PCDH11X: variants seen among roughly 807,000 people sequenced by gnomAD.
PCDH11X encodes the protein protocadherin 11 X-linked.
Under a neutral mutation model 53.3 loss-of-function variants are expected in PCDH11X, and 18 were observed. That is an observed-to-expected ratio of 0.34 (90% CI 0.23 to 0.50). The LOEUF is 0.50. PCDH11X is among the 20% of genes least tolerant of loss of function. The pLI, the probability that PCDH11X is intolerant of heterozygous loss-of-function variation, is 0.98. For missense variants in PCDH11X, 570 were observed against 1,032.4 expected, an observed-to-expected ratio of 0.55 and a Z score of 6.14; for synonymous variants, 279 against 393.3, an observed-to-expected ratio of 0.71 and a Z score of 3.44.
intron 8 of PCDH11X, among the ~76,000 whole-genome samples, chrX:92,375,449 A>G (rs1348677490): frequency 8.0e-5 from 8 of 100,614 alleles, no homozygotes; most frequent in Non-Finnish European, 1.4e-4. Context: ...AAGTGCTGGG[A>G]TTACAGGTGT....
chrX:92,378,870 G>T (rs1328271046), intron 8 of PCDH11X, among the ~76,000 whole-genome samples: 1 of 113,242 alleles, frequency 8.8e-6, no homozygotes, highest in Non-Finnish European at 1.9e-5. Flanking sequence ...TTTAACATAT[G>T]AATTTTAGGG....
chrX:91,971,538 C>A (rs1253222220), intron 6 of PCDH11X, among the ~76,000 whole-genome samples: 1 of 110,849 alleles, frequency 9.0e-6, no homozygotes, highest in African/African-American at 3.3e-5. Flanking sequence ...GCCATATAAT[C>A]ATGAGAGCTT....
At chrX:92,366,539 G>C (rs1452421879) in intron 8 of PCDH11X, among the ~76,000 whole-genome samples, 3 of 98,291 alleles carry the variant, frequency 3.1e-5, no homozygotes, top group African/African-American at 1.1e-4. Context: ...GCTAGCTTTT[G>C]AATTTGTTTG....
At chrX:92,010,753 G>T (rs34815598) in intron 6 of PCDH11X, among the ~76,000 whole-genome samples, 1 of 109,157 alleles carries the variant, frequency 9.2e-6, no homozygotes, top group Non-Finnish European at 1.9e-5. Context: ...TAGGTTCAGG[G>T]GATACATGTG....
rs758342306 is a variant in PCDH11X at position 92,484,082 on chromosome X, A to ATC, written c.3367+15764_3367+15765dup. Among the ~76,000 whole-genome samples the ATC allele has an allele frequency of 1.1e-3, 82 of 73,130 alleles. No individual in the cohort carries two copies. In the South Asian group the frequency reaches 0.024, roughly 21 times the overall value. 63.5% of individuals were successfully genotyped at this position (73,130 alleles called of 115,157 possible). A position where few individuals can be genotyped will look rare whatever the true frequency, so the allele number is the denominator to read the frequency against. ...ACCAAACAATGAGTGAATAAAGAAA[A>ATC]TCTCTGTGTGTGTGTGTGTGTGTGT... On this transcript the variant is annotated intron_variant, in intron 10 of 10. Transcript: ENST00000682573.
chrX:92,307,097 A>G (rs370450719), intron 8 of PCDH11X, among the ~76,000 whole-genome samples: 53 of 110,840 alleles, frequency 4.8e-4, no homozygotes, highest in African/African-American at 1.7e-3. Context: ...AAAAGGAAAT[A>G]CTTACCAACT....
At chrX:91,912,226 G>C (rs747325934) in intron 6 of PCDH11X, among the ~76,000 whole-genome samples, 2 of 111,211 alleles carry the variant, frequency 1.8e-5, no homozygotes, top group East Asian at 5.7e-4. Flanking sequence ...TGCAAACAGG[G>C]ATAATTTGAC....
At chrX:91,808,723 A>T (rs1180674384) in intron 1 of PCDH11X, among the ~76,000 whole-genome samples, 1 of 109,924 alleles carries the variant, frequency 9.1e-6, no homozygotes, top group Non-Finnish European at 1.9e-5. Flanking sequence ...AATTTAGGTT[A>T]TCTGGCACTG....
Position 92,170,566 on chromosome X carries a change from A to G in PCDH11X, c.3034-30809A>G, listed in dbSNP as rs749696395. On this transcript the variant is annotated intron_variant, in intron 6 of 10. Transcript: ENST00000682573. ...ATTTTACCATGGACACCATATACCAAGATCACTCAAAAACTTAATTTCTAT... is the reference window on the plus strand; with the variant it reads ...ATTTTACCATGGACACCATATACCAGGATCACTCAAAAACTTAATTTCTAT... Among the ~76,000 whole-genome samples the G allele has an allele frequency of 3.6e-5, 4 of 110,288 alleles. No homozygotes were observed. The East Asian group carries it at 1.2e-3, about 32-fold the overall frequency.
chrX:92,573,559 T>C (rs183188913), intron 10 of PCDH11X, among the ~76,000 whole-genome samples: 6 of 110,431 alleles, frequency 5.4e-5, no homozygotes, highest in East Asian at 2.8e-4. Flanking sequence ...TCTTTACTTA[T>C]GTTTGTAAAG....
chrX:92,493,926 C>T (rs1603346520), intron 10 of PCDH11X, among the ~76,000 whole-genome samples: 1 of 110,137 alleles, frequency 9.1e-6, no homozygotes, highest in African/African-American at 3.3e-5. Context: ...GGATTACAGG[C>T]GTGAACCACC....
intron 6 of PCDH11X, among the ~76,000 whole-genome samples, chrX:92,164,828 C>T (rs1433384406): frequency 9.1e-6 from 1 of 109,519 alleles, no homozygotes; most frequent in Non-Finnish European, 1.9e-5. Flanking sequence ...CTTTCCTGCA[C>T]TGTTCTTGTG....
chrX:92,258,216 C>G (rs2067638092), intron 7 of PCDH11X, among the ~76,000 whole-genome samples: 1 of 111,091 alleles, frequency 9.0e-6, no homozygotes, highest in Admixed American at 9.6e-5. Flanking sequence ...GCAGCAGGGT[C>G]CTCAGCACAG....
chrX:91,903,774 G>T (rs2147788589), intron 6 of PCDH11X, among the ~76,000 whole-genome samples: 1 of 109,160 alleles, frequency 9.2e-6, no homozygotes, highest in African/African-American at 3.3e-5. Flanking sequence ...AAAATGGAAG[G>T]CAAGTTTTAA....
At chrX:92,277,406 T>C (rs866793183) in intron 8 of PCDH11X, among the ~76,000 whole-genome samples, 1 of 110,843 alleles carries the variant, frequency 9.0e-6, no homozygotes, top group Non-Finnish European at 1.9e-5. Context: ...CAGAAGAAAA[T>C]AAGACATTTA....
chrX:92,445,596 C>G (rs1226664612), intron 9 of PCDH11X, among the ~76,000 whole-genome samples: 2 of 109,535 alleles, frequency 1.8e-5, no homozygotes, highest in Non-Finnish European at 3.8e-5. Flanking sequence ...AAACTTAATG[C>G]ATAAGAAAAG....
chrX:91,966,578 C>T (rs1323664254), intron 6 of PCDH11X, among the ~76,000 whole-genome samples: 1 of 109,280 alleles, frequency 9.2e-6, no homozygotes, highest in Non-Finnish European at 1.9e-5. Context: ...CAAACCAACA[C>T]GGCACATGTA....
At chrX:91,925,767 G>A (rs1438627659) in intron 6 of PCDH11X, among the ~76,000 whole-genome samples, 3 of 110,933 alleles carry the variant, frequency 2.7e-5, no homozygotes, top group Admixed American at 9.7e-5. Context: ...TCTCAAGATT[G>A]AGAAAATATA....
rs1239180216 is a variant in PCDH11X at position 91,983,234 on chromosome X, A to G, written c.3033+103961A>G. ...GAAGGTCAGCTTCAGTCCACGTGCA[A>G]GCTGATCTTCCACAGTCATCTCGGT... is the stretch of plus-strand genomic sequence containing the variant. On this transcript the variant is annotated intron_variant, in intron 6 of 10. Transcript: ENST00000682573. 325 of 817,245 alleles carry G rather than the reference A, an allele frequency of 4.0e-4. 1 individual carries two copies. Among genetic ancestry groups the G allele is most frequent in the Non-Finnish European group, 5.8e-4 (312 of 538,774 alleles). 67.4% of individuals were successfully genotyped at this position (817,245 alleles called of 1,213,427 possible). A position where few individuals can be genotyped will look rare whatever the true frequency, so the allele number is the denominator to read the frequency against.
Sources: allele counts gnomAD v4.1 joint callset (sites outside exome capture counted in the v4.1 genomes callset), GRCh38; gene constraint gnomAD v4.1.1; transcripts MANE v1.5; gene names NCBI Gene and HGNC (gene_info 2026-07-23, HGNC 2026-07-21).